EDIL3: variants seen among roughly 807,000 people sequenced by gnomAD.
EDIL3 encodes the protein EGF like and discoidin domains 3, also known as EGF-like repeat and discoidin I-like domain-containing protein 3.
A neutral mutation model predicts 67.4 loss-of-function variants in EDIL3; 37 were observed. That is an observed-to-expected ratio of 0.55 (90% CI 0.42 to 0.72). EDIL3 has a LOEUF of 0.72. Among genes scored for constraint, EDIL3 ranks in the 30% least tolerant of loss-of-function variants. EDIL3 has a pLI of 0.00. For missense variants in EDIL3, 527 were observed against 586.3 expected (o/e 0.90, Z 1.04); for synonymous variants, 195 against 196.3 (o/e 0.99, Z 0.05).
intron 9 of EDIL3, among the ~76,000 whole-genome samples, chr5:84,002,055 T>G (rs1745340531): frequency 6.6e-6 from 1 of 152,068 alleles, no homozygotes; most frequent in Admixed American, 6.6e-5. Context: ...CAAAATGAAT[T>G]AAAACACCTT....
chr5:84,179,570 T>C (rs1467767409), intron 4 of EDIL3, among the ~76,000 whole-genome samples: 2 of 152,198 alleles, frequency 1.3e-5, no homozygotes, highest in Non-Finnish European at 2.9e-5. Flanking sequence ...TGCCTTATCG[T>C]TCTTAATACC....
chr5:84,371,401 A>G (rs986666289), intron 1 of EDIL3, among the ~76,000 whole-genome samples: 1 of 144,140 alleles, frequency 6.9e-6, no homozygotes, highest in Non-Finnish European at 1.5e-5. Flanking sequence ...GTGTGTATAT[A>G]TATGTGTGTA....
At chr5:84,024,220 C>T (rs889255360) in intron 9 of EDIL3, among the ~76,000 whole-genome samples, 1 of 152,106 alleles carries the variant, frequency 6.6e-6, no homozygotes, top group African/African-American at 2.4e-5. Flanking sequence ...TATTTATTTT[C>T]TGGAAAATAT....
chr5:84,180,274 C>A, intron 4 of EDIL3, 119 bp downstream of exon 4: 1 of 1,196,112 alleles, frequency 8.4e-7, no homozygotes, highest in East Asian at 2.8e-5. Flanking sequence ...CAGCATTAGC[C>A]AAAGCCAGGG....
intron 3 of EDIL3, among the ~76,000 whole-genome samples, chr5:84,185,567 T>C (rs879684083): frequency 6.6e-6 from 1 of 152,160 alleles, no homozygotes; most frequent in Non-Finnish European, 1.5e-5. Flanking sequence ...ATGGCAATAA[T>C]GAGTTCTAAA....
At chr5:84,171,138 C>A (rs1748804590) in intron 4 of EDIL3, among the ~76,000 whole-genome samples, 1 of 151,970 alleles carries the variant, frequency 6.6e-6, no homozygotes, top group South Asian at 2.1e-4. Context: ...AAATATACTA[C>A]CTTCATGAGT....
chr5:84,139,822 A>T (rs1748158507), intron 4 of EDIL3, among the ~76,000 whole-genome samples: 2 of 152,188 alleles, frequency 1.3e-5, no homozygotes, highest in African/African-American at 2.4e-5. Flanking sequence ...ACTAATAAGG[A>T]TGTGATATAG....
intron 1 of EDIL3, among the ~76,000 whole-genome samples, chr5:84,340,084 T>C (rs977077051): frequency 9.9e-5 from 15 of 152,212 alleles, no homozygotes; most frequent in African/African-American, 3.4e-4. Context: ...GTTGTCGTTT[T>C]CTTTTATTGC....
chr5:84,078,629 C>T (rs1302827773), intron 6 of EDIL3: 1 of 152,034 alleles, frequency 6.6e-6, no homozygotes, highest in Non-Finnish European at 1.5e-5. Context: ...GATACCTTAC[C>T]CAGACTGATG....
chr5:83,987,104 T>C (rs767972157), intron 9 of EDIL3, among the ~76,000 whole-genome samples: 1 of 152,178 alleles, frequency 6.6e-6, no homozygotes, highest in African/African-American at 2.4e-5. Context: ...CTCTGGACTT[T>C]AGGTTCTCTG....
At chr5:84,208,507 G>T (rs1333845365) in intron 3 of EDIL3, among the ~76,000 whole-genome samples, 1 of 150,928 alleles carries the variant, frequency 6.6e-6, no homozygotes, top group African/African-American at 2.4e-5. Flanking sequence ...GTGAAACCCC[G>T]TCTCTACCAA....
intron 4 of EDIL3, among the ~76,000 whole-genome samples, chr5:84,166,236 C>T (rs1341027098): frequency 1.3e-5 from 2 of 152,184 alleles, no homozygotes; most frequent in Non-Finnish European, 2.9e-5. Context: ...GTACCGTGTT[C>T]CTCAACTTAT....
At chr5:83,959,028 A>T (rs1744561663) in intron 10 of EDIL3, among the ~76,000 whole-genome samples, 1 of 151,114 alleles carries the variant, frequency 6.6e-6, no homozygotes, top group African/African-American at 2.4e-5. Context: ...CTAAAAAACA[A>T]TACTAAAGTA....
chr5:84,301,131 G>A (rs1318500210), intron 1 of EDIL3, among the ~76,000 whole-genome samples: 1 of 152,060 alleles, frequency 6.6e-6, no homozygotes, highest in East Asian at 1.9e-4. Flanking sequence ...TAGCTGATGT[G>A]GTGGCTCATG....
intron 9 of EDIL3, among the ~76,000 whole-genome samples, chr5:84,035,735 A>G (rs1460078538): frequency 1.3e-5 from 2 of 152,162 alleles, no homozygotes; most frequent in Non-Finnish European, 2.9e-5. Flanking sequence ...CAATCTTCCT[A>G]TTCCTACTTG....
At chr5:84,344,834 T>A (rs958041530) in intron 1 of EDIL3, among the ~76,000 whole-genome samples, 4 of 152,144 alleles carry the variant, frequency 2.6e-5, no homozygotes, top group Non-Finnish European at 5.9e-5. Context: ...TGGAGCCACC[T>A]TAGACAATAA....
chr5:84,055,170 C>T (rs1267574769), intron 9 of EDIL3, among the ~76,000 whole-genome samples: 1 of 146,270 alleles, frequency 6.8e-6, no homozygotes, highest in Non-Finnish European at 1.5e-5. Context: ...CTACAACTAT[C>T]TGATCTTTGA....
At position 84,312,363 on chromosome 5, in the gene EDIL3, G is replaced by A. The variant is rs1174998560; in HGVS notation, c.68-58151C>T. ...CCCCCCCACCTCCCTCCCGGACGGG[G>A]CGGCTGGCCGGGCGGGGGGCTGACT... On this transcript the variant is annotated intron_variant, in intron 1 of 10. Transcript: ENST00000296591. 2.7e-5 allele frequency among the ~76,000 whole-genome samples: 4 copies of A among 147,838 alleles called. No homozygotes were observed. In the East Asian group the frequency reaches 8.3e-4, roughly 31 times the overall value.
At chr5:84,340,835 C>A (rs1747096064) in intron 1 of EDIL3, among the ~76,000 whole-genome samples, 1 of 151,580 alleles carries the variant, frequency 6.6e-6, no homozygotes, top group South Asian at 2.1e-4. Flanking sequence ...TAGGTCTGTT[C>A]TCCAGCTTCA....
Sources: gnomAD v4.1 joint callset for allele counts (sites outside exome capture counted in the v4.1 genomes callset) on GRCh38, gnomAD v4.1.1 for gene constraint, MANE v1.5 for transcripts, NCBI Gene and HGNC (gene_info 2026-07-23, HGNC 2026-07-21) for gene names.